ERI1: variants seen among roughly 807,000 people sequenced by gnomAD.
The protein encoded by ERI1 is 3'-5' exoribonuclease 1.
In ERI1, 39 loss-of-function variants were observed where a neutral mutation model predicts 39.7. The observed-to-expected ratio is 0.98, with a 90% CI of 0.76 to 1.28. The LOEUF (loss-of-function observed/expected upper bound fraction) is 1.28. ERI1 is among the 50% of genes most tolerant of loss of function. The pLI, the probability that ERI1 is intolerant of heterozygous loss-of-function variation, is 0.00. For missense variants in ERI1, 581 were observed against 416.9 expected, an observed-to-expected ratio of 1.39 and a Z score of -3.43; for synonymous variants, 204 against 149.6, an observed-to-expected ratio of 1.36 and a Z score of -2.65.
rs1210208370 is a variant in ERI1 at position 9,038,608 on chromosome 8, T to G, written n.299+18144T>G. Among the ~76,000 whole-genome samples the G allele has an allele frequency of 3.3e-5, 5 of 151,390 alleles. No homozygotes were observed. The East Asian group carries it at 9.7e-4, about 29-fold the overall frequency. On this transcript the variant is annotated intron_variant and non_coding_transcript_variant, in intron 3 of 3. Coordinates refer to the ERI1 transcript ENST00000518663. Reference sequence around the variant, plus strand: ...CCTGTTTCTACAAAAAATTCAAAACTTAGCTGGGCGTGGTGGCACAAGCCT... The same window carrying G: ...CCTGTTTCTACAAAAAATTCAAAACGTAGCTGGGCGTGGTGGCACAAGCCT...
downstream of ERI1, among the ~76,000 whole-genome samples, chr8:9,035,842 G>C (rs903080619): frequency 2.0e-5 from 3 of 152,198 alleles, no homozygotes; most frequent in Non-Finnish European, 4.4e-5. Flanking sequence ...ATTCTATTCT[G>C]AATGCCATTA....
chr8:9,055,988 G>T (rs966918703), intron 3 of ERI1, among the ~76,000 whole-genome samples: 2 of 152,242 alleles, frequency 1.3e-5, no homozygotes, highest in African/African-American at 4.8e-5. Flanking sequence ...AGGTCAGAGA[G>T]AAACTTCACT....
At chr8:9,003,229 C>T in intron 1 of ERI1, 58 bp downstream of exon 1, 1 of 1,053,612 alleles carries the variant, frequency 9.5e-7, no homozygotes. Context: ...CCAAAGCGCC[C>T]TCGGCACCCC....
At chr8:9,084,432 A>T (rs1453015489) in intron 3 of ERI1, among the ~76,000 whole-genome samples, 3 of 151,994 alleles carry the variant, frequency 2.0e-5, no homozygotes, top group African/African-American at 4.8e-5. Context: ...GCTGCCCTAA[A>T]CCTGAACATT....
chr8:9,046,179 G>C (rs550783595), intron 3 of ERI1, among the ~76,000 whole-genome samples: 12 of 152,330 alleles, frequency 7.9e-5, no homozygotes, highest in Non-Finnish European at 1.6e-4. Flanking sequence ...CATTGGTCTT[G>C]CTGATGGAAT....
At chr8:9,068,433 C>T (rs1798949081) in intron 3 of ERI1, among the ~76,000 whole-genome samples, 1 of 152,180 alleles carries the variant, frequency 6.6e-6, no homozygotes, top group Non-Finnish European at 1.5e-5. Context: ...AACCTCTGGG[C>T]TCAAGTGATC....
intron 2 of ERI1, 100 bp from the exon 3 acceptor site, chr8:9,011,442 G>C: frequency 1.6e-6 from 1 of 622,954 alleles, no homozygotes; most frequent in African/African-American, 1.8e-5. Context: ...GCTAAATTTC[G>C]CTGTGATTGT....
At chr8:9,064,165 A>AAG (rs1798792848) in intron 3 of ERI1, among the ~76,000 whole-genome samples, 1 of 149,980 alleles carries the variant, frequency 6.7e-6, no homozygotes, top group Non-Finnish European at 1.5e-5. Context: ...AGATCGGGGC[A>AAG]TGGAAATAAG....
At chr8:9,048,168 C>T (rs887651860) in intron 3 of ERI1, among the ~76,000 whole-genome samples, 3 of 152,216 alleles carry the variant, frequency 2.0e-5, no homozygotes, top group African/African-American at 7.2e-5. Flanking sequence ...ACCTTGTCTG[C>T]GTACTGGAGT....
intron 1 of ERI1, 104 bp downstream of exon 1, chr8:9,003,275 G>T: frequency 1.5e-6 from 1 of 672,308 alleles, no homozygotes; most frequent in Non-Finnish European, 2.1e-6. Flanking sequence ...GTGCAGCTGT[G>T]CGCCCTTGGA....
chr8:9,049,386 A>G (rs1255889032), intron 3 of ERI1, among the ~76,000 whole-genome samples: 15 of 143,660 alleles, frequency 1.0e-4, no homozygotes, highest in Non-Finnish European at 6.1e-5. Flanking sequence ...AATGCAAAAA[A>G]ATTAATGGTG....
intron 1 of ERI1, chr8:9,004,131 T>A (rs1815692368): frequency 1.6e-6 from 2 of 1,289,396 alleles, no homozygotes; most frequent in South Asian, 2.5e-5. Context: ...TAAGGATCTC[T>A]GTATGTTCCT....
chr8:9,083,020 G>A (rs1157470259), intron 3 of ERI1, among the ~76,000 whole-genome samples: 2 of 152,090 alleles, frequency 1.3e-5, no homozygotes, highest in South Asian at 2.1e-4. Context: ...CCTCAATATT[G>A]CATGGGACAT....
chr8:9,077,872 A>G (rs1799255988), intron 3 of ERI1, among the ~76,000 whole-genome samples: 1 of 152,056 alleles, frequency 6.6e-6, no homozygotes, highest in African/African-American at 2.4e-5. Flanking sequence ...TTTTTTTCTG[A>G]TCCCCAACAC....
At chr8:9,026,499 T>G (rs562418962) in intron 6 of ERI1, among the ~76,000 whole-genome samples, 1 of 152,342 alleles carries the variant, frequency 6.6e-6, no homozygotes, top group Non-Finnish European at 1.5e-5. Context: ...CTTTTGTGAC[T>G]GGCATATTTC....
At chr8:9,003,928 C>A in intron 1 of ERI1, 4 of 462,092 alleles carry the variant, frequency 8.7e-6, no homozygotes, top group South Asian at 6.8e-5. Context: ...CAGTCAGTTT[C>A]CATCTGGCAG....
intron 3 of ERI1, among the ~76,000 whole-genome samples, chr8:9,044,446 T>G (rs1049055970): frequency 6.6e-6 from 1 of 151,970 alleles, no homozygotes; most frequent in Non-Finnish European, 1.5e-5. Context: ...GTCAGTTCAG[T>G]AGGAGAGTTC....
intron 6 of ERI1, among the ~76,000 whole-genome samples, chr8:9,021,026 G>C (rs1371867213): frequency 6.6e-6 from 1 of 152,010 alleles, no homozygotes; most frequent in Non-Finnish European, 1.5e-5. Flanking sequence ...TGCCCTGAAA[G>C]ATCAAGATTG....
At chr8:9,018,221 C>G in intron 4 of ERI1, 76 bp from the exon 5 acceptor site, 1 of 747,936 alleles carries the variant, frequency 1.3e-6, no homozygotes, top group Non-Finnish European at 2.2e-6. Context: ...TCCCCTCCAA[C>G]TTAGGTCTGG....
Sources: allele counts gnomAD v4.1 joint callset (sites outside exome capture counted in the v4.1 genomes callset), GRCh38; gene constraint gnomAD v4.1.1; transcripts MANE v1.5; gene names NCBI Gene and HGNC (gene_info 2026-07-23, HGNC 2026-07-21).